The following ZNF626 variants were observed in gnomAD, a reference collection of about 807,000 sequenced individuals.
The protein encoded by ZNF626 is CTC-513N18.7.
In ZNF626, 4 loss-of-function variants were observed where a neutral mutation model predicts 11.7. The ratio of observed to expected loss-of-function variants is 0.34; its 90% CI spans 0.17 to 0.78. The LOEUF (loss-of-function observed/expected upper bound fraction) is 0.78, where lower values mean the gene tolerates loss of function less well. ZNF626 is among the 30% of genes least tolerant of loss of function. The probability of loss-of-function intolerance (pLI) is 0.57; values close to 1 mark genes in which losing one functional copy is unlikely to be tolerated. For missense variants in ZNF626, 588 were observed against 587.1 expected (o/e 1.00, Z -0.01); for synonymous variants, 179 against 198.6 (o/e 0.90, Z 0.83).
At chr19:20,626,243 A>AT (rs1969830825) in intron 3 of ZNF626, among the ~76,000 whole-genome samples, 2 of 152,228 alleles carry the variant, frequency 1.3e-5, no homozygotes, top group East Asian at 3.9e-4. Flanking sequence ...AAGACAATTG[A>AT]TTTCAGACTA....
chr19:20,641,267 AAT>A (rs1255355580), intron 3 of ZNF626, among the ~76,000 whole-genome samples: 1 of 152,318 alleles, frequency 6.6e-6, no homozygotes, highest in East Asian at 1.9e-4. Context: ...TACGTCAAAA[AAT>A]ATAACATATA....
In ZNF626 at chr19:20,625,031, C is replaced by A; in HGVS notation, c.846G>T (p.Lys282Asn). 1 of 1,613,618 alleles carries A rather than the reference C, an allele frequency of 6.2e-7. No individual in the cohort carries two copies. The highest frequency in any genetic ancestry group is 8.5e-7 in the Non-Finnish European group (1 of 1,179,940). ...CACATTCTTCACATTTGTAGGGTTT[C>A]TTTTCCGTATGAATTATCTCATGTT... ...LSKHEIIHTE[K>N]KPYKCEECGK... Residue 282 changes from lysine to asparagine, a missense_variant, in exon 4 of 4, where the codon AAG (lysine) becomes AAT (asparagine). Physicochemically the swap from Lys to Asn is moderately conservative, Grantham distance 94. Transcript: ENST00000601440.
At chr19:20,638,425 C>CTAAATAAATAAATAAATAAATAAATAAA (rs60283787) in intron 3 of ZNF626, among the ~76,000 whole-genome samples, 2 of 141,102 alleles carry the variant, frequency 1.4e-5, no homozygotes, top group Non-Finnish European at 3.0e-5. Flanking sequence ...AACTGCATGT[C>CTAAATAAATAAATAAATAAATAAATAAA]TAAATAAATA....
At chr19:20,630,645 T>C (rs554764778) in intron 3 of ZNF626, among the ~76,000 whole-genome samples, 52 of 151,936 alleles carry the variant, frequency 3.4e-4, no homozygotes, top group African/African-American at 1.2e-3. Context: ...TCATTTTTTA[T>C]TGTGTCTATT....
At chr19:20,651,787 G>A (rs1970148700) in intron 1 of ZNF626, among the ~76,000 whole-genome samples, 1 of 152,154 alleles carries the variant, frequency 6.6e-6, no homozygotes, top group African/African-American at 2.4e-5. Context: ...TACAGAACCT[G>A]GATCACCTGT....
intron 3 of ZNF626, 117 bp downstream of exon 3, chr19:20,645,567 A>G (rs1970067318): frequency 1.9e-6 from 3 of 1,553,838 alleles, no homozygotes; most frequent in African/African-American, 1.4e-5. Context: ...TAGCTGCCCA[A>G]GAACTATTTC....
intron 3 of ZNF626, among the ~76,000 whole-genome samples, chr19:20,643,564 T>C (rs1278308841): frequency 6.6e-6 from 1 of 152,062 alleles, no homozygotes; most frequent in African/African-American, 2.4e-5. Flanking sequence ...AAATTACAAA[T>C]TTGAAATAGA....
intron 1 of ZNF626, among the ~76,000 whole-genome samples, chr19:20,646,848 A>G (rs1970085059): frequency 6.6e-6 from 1 of 151,890 alleles, no homozygotes. Context: ...TGATTTATTT[A>G]TTTATTTATT....
chr19:20,661,304 T>C, intron 1 of ZNF626, 140 bp downstream of exon 1: 1 of 1,194,086 alleles, frequency 8.4e-7, no homozygotes, highest in Non-Finnish European at 1.2e-6. Context: ...TGAACAGGAC[T>C]GAGGCCGAGC....
At chr19:20,641,899 T>A (rs550554648) in intron 3 of ZNF626, among the ~76,000 whole-genome samples, 27 of 146,486 alleles carry the variant, frequency 1.8e-4, no homozygotes, top group Admixed American at 1.6e-3. Flanking sequence ...GTAAATGTTA[T>A]GTTACGTGTT....
Position 20,623,984 on chromosome 19 carries a change from G to T in ZNF626, c.*306C>A. ...AATTCTTAGTTAGAAATTGAGGGCT[G>T]GTTAAAAGATTTTCCCCATTCATCA... On this transcript the variant is annotated 3_prime_UTR_variant, in exon 4 of 4. Coordinates refer to ENST00000601440, the MANE Select transcript of ZNF626 (RefSeq NM_001076675.3). 2 of 530,986 alleles carry T rather than the reference G, an allele frequency of 3.8e-6. No homozygotes were observed. The highest frequency in any genetic ancestry group is 3.6e-5 in the East Asian group (1 of 27,614). 32.9% of individuals were successfully genotyped at this position (530,986 alleles called of 1,614,324 possible). A position where few individuals can be genotyped will look rare whatever the true frequency, so the allele number is the denominator to read the frequency against.
chr19:20,653,553 TG>T (rs34326073), intron 1 of ZNF626, among the ~76,000 whole-genome samples: 1 of 149,652 alleles, frequency 6.7e-6, no homozygotes, highest in African/African-American at 2.5e-5. Context: ...CGCTTGAACC[TG>T]GGAAGCAGAG....
intron 1 of ZNF626, among the ~76,000 whole-genome samples, chr19:20,650,333 ATTT>A (rs1970132701): frequency 6.6e-6 from 1 of 152,136 alleles, no homozygotes. Flanking sequence ...TTCAGAGAAA[ATTT>A]TATTCTGTTT....
At chr19:20,659,483 C>CTAG (rs1970240904) in intron 1 of ZNF626, among the ~76,000 whole-genome samples, 1 of 152,108 alleles carries the variant, frequency 6.6e-6, no homozygotes, top group African/African-American at 2.4e-5. Context: ...TGCGGTGATC[C>CTAG]GTCCGCCTAG....
At chr19:20,655,861 G>A (rs1228974748) in intron 1 of ZNF626, among the ~76,000 whole-genome samples, 8 of 152,014 alleles carry the variant, frequency 5.3e-5, no homozygotes, top group African/African-American at 1.9e-4. Context: ...CGTGAACCCA[G>A]GAGGCAGAGG....
intron 3 of ZNF626, among the ~76,000 whole-genome samples, chr19:20,634,190 C>T (rs372823239): frequency 6.6e-6 from 1 of 152,070 alleles, no homozygotes; most frequent in East Asian, 1.9e-4. Context: ...ACTGAATAAA[C>T]ACAAAGAGAG....
chr19:20,632,522 CTTCATTTCA>C (rs1268836099), intron 3 of ZNF626, among the ~76,000 whole-genome samples: 4 of 152,162 alleles, frequency 2.6e-5, no homozygotes, highest in African/African-American at 4.8e-5. Context: ...TCTCTTCTCG[CTTCATTTCA>C]TTCATTTCAT....
intron 3 of ZNF626, among the ~76,000 whole-genome samples, chr19:20,629,024 A>G (rs1555770094): frequency 6.6e-6 from 1 of 152,176 alleles, no homozygotes; most frequent in Non-Finnish European, 1.5e-5. Flanking sequence ...TCCCAGCACC[A>G]TTTATTAAAT....
At chr19:20,634,056 A>C (rs147809830) in intron 3 of ZNF626, among the ~76,000 whole-genome samples, 10 of 152,332 alleles carry the variant, frequency 6.6e-5, no homozygotes, top group African/African-American at 2.4e-4. Context: ...AAACTTCAAA[A>C]AGACAAAGAA....
Sources: gnomAD v4.1 joint callset for allele counts (sites outside exome capture counted in the v4.1 genomes callset) on GRCh38, gnomAD v4.1.1 for gene constraint, MANE v1.5 for transcripts, NCBI Gene and HGNC (gene_info 2026-07-23, HGNC 2026-07-21) for gene names.